MTMR7: variants seen among roughly 807,000 people sequenced by gnomAD.
MTMR7 encodes the protein phosphatidylinositol-3-phosphate phosphatase MTMR7.
A neutral mutation model predicts 81.2 loss-of-function variants in MTMR7; 76 were observed. The observed-to-expected ratio is 0.94, with a 90% confidence interval of 0.78 to 1.13. MTMR7 has a LOEUF of 1.13. MTMR7 is among the 50% of genes most tolerant of loss of function. The pLI, the probability that MTMR7 is intolerant of heterozygous loss-of-function variation, is 0.00. For synonymous variants in MTMR7, 372 were observed against 289.8 expected (o/e 1.28, Z -2.88); for missense variants, 1,044 against 820.0 (o/e 1.27, Z -3.34).
At chr8:17,351,170 T>C (rs1408581126) in intron 4 of MTMR7, among the ~76,000 whole-genome samples, 3 of 152,214 alleles carry the variant, frequency 2.0e-5, no homozygotes, top group African/African-American at 7.2e-5. Context: ...TGAGTAGGTT[T>C]TCAGCAAGTT....
chr8:17,349,026 A>G lies in MTMR7; in HGVS notation c.524T>C (p.Ile175Thr), dbSNP rs139941871. The G allele has an allele frequency of 2.4e-4, 391 of 1,613,028 alleles. 7 individuals carry two copies. In the East Asian group the frequency reaches 8.6e-3, roughly 36 times the overall value. The change falls in exon 5 of 14, where the codon ATC (isoleucine) becomes ACC (threonine). Residue 175 changes from isoleucine (I) to threonine (T), a missense_variant. Transcript: ENST00000180173. Reference sequence around the variant, plus strand: ...CCGGAATTTGGAACTCCCCACTATGATGTGTGCCGTGGCCGATTTGGGAAC... The same window carrying G: ...CCGGAATTTGGAACTCCCCACTATGGTGTGTGCCGTGGCCGATTTGGGAAC... ...LYVPKSATAH[I>T]IVGSSKFRSR...
At chr8:17,373,920 A>G (rs1012377909) in intron 1 of MTMR7, among the ~76,000 whole-genome samples, 2 of 152,244 alleles carry the variant, frequency 1.3e-5, no homozygotes, top group African/African-American at 4.8e-5. Context: ...GGACATGTGC[A>G]CTGAGATCAT....
chr8:17,332,429 T>G (rs1338051269), intron 6 of MTMR7, among the ~76,000 whole-genome samples: 2 of 152,118 alleles, frequency 1.3e-5, no homozygotes, highest in African/African-American at 4.8e-5. Context: ...AATAGGACAA[T>G]GACAGGATAC....
At chr8:17,363,962 T>C (rs1222916005) in intron 3 of MTMR7, among the ~76,000 whole-genome samples, 2 of 150,026 alleles carry the variant, frequency 1.3e-5, no homozygotes, top group Non-Finnish European at 3.0e-5. Flanking sequence ...ACAGACTTTT[T>C]AATAATATAT....
Position 17,413,329 on chromosome 8 carries a change from G to C in MTMR7, c.-37C>G, listed in dbSNP as rs1378888116. 4.6e-6 allele frequency: 7 copies of C among 1,516,922 alleles called. No homozygotes were observed. Among genetic ancestry groups the C allele is most frequent in the South Asian group, 1.2e-5 (1 of 81,054 alleles). 94.0% of individuals were successfully genotyped at this position (1,516,922 alleles called of 1,614,324 possible). A position where few individuals can be genotyped will look rare whatever the true frequency, so the allele number is the denominator to read the frequency against. ...GTCTGCAGGGTCCCGGGCGGGCGCG[G>C]CCTCACGCACCTGCGCGCCTCTGCG... On this transcript the variant is annotated 5_prime_UTR_variant, in exon 1 of 14. Transcript: ENST00000180173.
At chr8:17,339,605 T>A (rs1408475355) in intron 6 of MTMR7, among the ~76,000 whole-genome samples, 1 of 152,258 alleles carries the variant, frequency 6.6e-6, no homozygotes, top group Non-Finnish European at 1.5e-5. Context: ...TATAGCTGAA[T>A]AATATTCCAC....
intron 3 of MTMR7, among the ~76,000 whole-genome samples, chr8:17,370,722 C>T (rs530799067): frequency 4.6e-5 from 7 of 151,908 alleles, no homozygotes; most frequent in African/African-American, 1.4e-4. Flanking sequence ...CAAGGTGGCT[C>T]GATTACCACA....
At position 17,296,922 on chromosome 8, in the gene MTMR7, C is replaced by CAAAT. The variant is rs1215158243; in HGVS notation, c.*2936_*2939dup. 1 of 152,064 alleles carries CAAAT rather than the reference C, an allele frequency of 6.6e-6. No homozygotes were observed. Among genetic ancestry groups the CAAAT allele is most frequent in the African/African-American group, 2.4e-5 (1 of 41,412 alleles). The allele number at this position is 152,064 out of a possible 1,614,324, so 9.4% of individuals were successfully genotyped here. On this transcript the variant is annotated 3_prime_UTR_variant, in exon 14 of 14. Transcript: ENST00000180173. Reference sequence around the variant, plus strand: ...AGTGTGATCAGTTATCTGCATTTAACAAATAGACAAATCAGTTTACATAAA... The same window carrying CAAAT: ...AGTGTGATCAGTTATCTGCATTTAACAAATAAATAGACAAATCAGTTTACATAAA...
intron 4 of MTMR7, among the ~76,000 whole-genome samples, chr8:17,353,323 A>G (rs111558201): frequency 1.8e-4 from 27 of 152,310 alleles, no homozygotes; most frequent in African/African-American, 6.3e-4. Context: ...GGTATAGAGT[A>G]TCAGTTCTGG....
At chr8:17,396,533 C>A (rs1208119085) in intron 1 of MTMR7, among the ~76,000 whole-genome samples, 1 of 152,150 alleles carries the variant, frequency 6.6e-6, no homozygotes, top group Non-Finnish European at 1.5e-5. Context: ...AGTATGTGGA[C>A]CAGCCTTAGC....
chr8:17,367,663 A>C (rs1820270415), intron 3 of MTMR7, among the ~76,000 whole-genome samples: 1 of 152,214 alleles, frequency 6.6e-6, no homozygotes, highest in Non-Finnish European at 1.5e-5. Context: ...GATTTACCTT[A>C]TACCAGAAAT....
Position 17,312,769 on chromosome 8 carries a change from T to C in MTMR7, c.975+523A>G, listed in dbSNP as rs967705429. On this transcript the variant is annotated intron_variant, in intron 8 of 13. Transcript: ENST00000180173. ...ACATACCATGGCATCAGGGAAGATATGGTTCTCTTTAGGTATAAATCCAAG... is the reference window on the plus strand; with the variant it reads ...ACATACCATGGCATCAGGGAAGATACGGTTCTCTTTAGGTATAAATCCAAG... Among the ~76,000 whole-genome samples the C allele has an allele frequency of 3.3e-5, 5 of 152,232 alleles. No homozygotes were observed. In the South Asian group the frequency reaches 8.3e-4, roughly 25 times the overall value.
At chr8:17,412,121 T>C (rs1402611327) in intron 1 of MTMR7, among the ~76,000 whole-genome samples, 3 of 152,248 alleles carry the variant, frequency 2.0e-5, no homozygotes, top group African/African-American at 4.8e-5. Flanking sequence ...ACAATTTAAA[T>C]TTACTGTCGG....
chr8:17,361,960 C>A (rs1820074887), intron 3 of MTMR7, among the ~76,000 whole-genome samples: 1 of 152,134 alleles, frequency 6.6e-6, no homozygotes, highest in African/African-American at 2.4e-5. Context: ...TTATCTCTGT[C>A]TTTATATACT....
intron 13 of MTMR7, among the ~76,000 whole-genome samples, chr8:17,301,252 T>G (rs760659277): frequency 6.6e-6 from 1 of 152,182 alleles, no homozygotes; most frequent in Non-Finnish European, 1.5e-5. Context: ...TCATGCAATG[T>G]AAGAATTTCA....
At chr8:17,377,479 A>G (rs1414406830) in intron 1 of MTMR7, among the ~76,000 whole-genome samples, 1 of 152,092 alleles carries the variant, frequency 6.6e-6, no homozygotes, top group East Asian at 1.9e-4. Flanking sequence ...CTTTAAAGTA[A>G]CAGGTGTTGG....
chr8:17,383,192 C>G (rs1431090830), intron 1 of MTMR7, among the ~76,000 whole-genome samples: 1 of 152,094 alleles, frequency 6.6e-6, no homozygotes, highest in Non-Finnish European at 1.5e-5. Context: ...CTCTCAGTCC[C>G]TACTTAACTA....
intron 1 of MTMR7, among the ~76,000 whole-genome samples, chr8:17,401,844 G>A (rs540610724): frequency 3.4e-4 from 51 of 152,052 alleles, no homozygotes; most frequent in African/African-American, 9.9e-4. Context: ...GTGAAATTGA[G>A]GTACCTATTA....
In MTMR7 at chr8:17,299,385, C is replaced by T. The variant is rs1816947985; in HGVS notation, c.*477G>A. On this transcript the variant is annotated 3_prime_UTR_variant, in exon 14 of 14. Coordinates refer to ENST00000180173, the MANE Select transcript of MTMR7 (RefSeq NM_004686.5). ...TATTAACTAAAAAGGGTGCATCTCA[C>T]CAATGTGCCTGTTTTTAGAAATATG... is the stretch of plus-strand genomic sequence containing the variant. 6.5e-6 allele frequency: 1 copy of T among 153,944 alleles called. No homozygotes were observed. The highest frequency in any genetic ancestry group is 6.4e-5 in the Admixed American group (1 of 15,590). The allele number at this position is 153,944 out of a possible 1,614,324, so 9.5% of individuals were successfully genotyped here.
Sources: allele counts gnomAD v4.1 joint callset (sites outside exome capture counted in the v4.1 genomes callset), GRCh38; gene constraint gnomAD v4.1.1; transcripts MANE v1.5; gene names NCBI Gene and HGNC (gene_info 2026-07-23, HGNC 2026-07-21).